Variants in CADM2 observed in about 807,000 individuals in gnomAD.
CADM2 encodes the protein immunoglobulin superfamily member 4D.
In CADM2, 12 loss-of-function variants were observed where a neutral mutation model predicts 49.8. That is an observed-to-expected ratio of 0.24 (90% CI 0.15 to 0.39). CADM2 has a LOEUF of 0.39. CADM2 is among the 10% of genes least tolerant of loss of function. The pLI, the probability that CADM2 is intolerant of heterozygous loss-of-function variation, is 1.00. For missense variants in CADM2, 378 were observed against 492.3 expected (o/e 0.77, Z 2.20); for synonymous variants, 214 against 175.4 (o/e 1.22, Z -1.74).
chr3:85,128,733 T>C (rs1378332890), intron 1 of CADM2, among the ~76,000 whole-genome samples: 1 of 152,196 alleles, frequency 6.6e-6, no homozygotes, highest in Non-Finnish European at 1.5e-5. Flanking sequence ...TGGGACAGGT[T>C]AAATAAACAT....
chr3:85,808,647 ATG>A (rs888261091), intron 3 of CADM2, among the ~76,000 whole-genome samples: 27 of 152,160 alleles, frequency 1.8e-4, no homozygotes, highest in Non-Finnish European at 8.8e-5. Context: ...GTGAGCTTGT[ATG>A]TGTTTTTATA....
At chr3:85,519,346 T>A (rs2060978118) in intron 1 of CADM2, among the ~76,000 whole-genome samples, 1 of 152,122 alleles carries the variant, frequency 6.6e-6, no homozygotes, top group South Asian at 2.1e-4. Flanking sequence ...TCATGCTTAG[T>A]TTTTTTATTT....
chr3:85,905,903 T>C (rs1226998896), intron 5 of CADM2, among the ~76,000 whole-genome samples: 1 of 152,172 alleles, frequency 6.6e-6, no homozygotes, highest in Non-Finnish European at 1.5e-5. Flanking sequence ...AATGTTTTAC[T>C]GATGCAAGTG....
chr3:85,311,384 T>C (rs2044338905), intron 1 of CADM2, among the ~76,000 whole-genome samples: 1 of 148,862 alleles, frequency 6.7e-6, no homozygotes, highest in Non-Finnish European at 1.5e-5. Context: ...TTATTATTAT[T>C]ATTTTTTTTG....
intron 1 of CADM2, among the ~76,000 whole-genome samples, chr3:85,047,455 C>A (rs2035711026): frequency 6.6e-6 from 1 of 152,000 alleles, no homozygotes; most frequent in South Asian, 2.1e-4. Flanking sequence ...ATGGGAACTT[C>A]TCATATAAAT....
At chr3:85,931,494 A>G (rs1308545475) in intron 6 of CADM2, among the ~76,000 whole-genome samples, 1 of 152,162 alleles carries the variant, frequency 6.6e-6, no homozygotes, top group Non-Finnish European at 1.5e-5. Context: ...ACAATTATTT[A>G]TTAAGCACAC....
chr3:85,789,180 T>C (rs1273795095), intron 2 of CADM2, among the ~76,000 whole-genome samples: 1 of 152,142 alleles, frequency 6.6e-6, no homozygotes, highest in African/African-American at 2.4e-5. Flanking sequence ...CTACCATCTG[T>C]GTGTTCCTTT....
intron 1 of CADM2, among the ~76,000 whole-genome samples, chr3:85,674,640 C>A (rs1389164675): frequency 6.6e-6 from 1 of 152,124 alleles, no homozygotes; most frequent in Non-Finnish European, 1.5e-5. Flanking sequence ...ATTCATTTCT[C>A]ATACTCTATG....
chr3:85,704,104 A>C (rs1369591886), intron 1 of CADM2, among the ~76,000 whole-genome samples: 1 of 152,122 alleles, frequency 6.6e-6, no homozygotes, highest in Non-Finnish European at 1.5e-5. Flanking sequence ...TGTTCTTTTC[A>C]TGGTCTGTTT....
chr3:85,098,121 T>G (rs973384928), intron 1 of CADM2, among the ~76,000 whole-genome samples: 1 of 152,150 alleles, frequency 6.6e-6, no homozygotes, highest in Non-Finnish European at 1.5e-5. Flanking sequence ...CATTAGTCTT[T>G]GTCTGCATGA....
At chr3:84,988,116 C>T (rs1230150868) in intron 1 of CADM2, among the ~76,000 whole-genome samples, 3 of 152,160 alleles carry the variant, frequency 2.0e-5, no homozygotes, top group African/African-American at 7.2e-5. Context: ...CACCATTCAG[C>T]CAGAGCCAGA....
chr3:85,152,713 T>A (rs1187165025), intron 1 of CADM2, among the ~76,000 whole-genome samples: 1 of 152,148 alleles, frequency 6.6e-6, no homozygotes, highest in East Asian at 1.9e-4. Context: ...ATCCCAGCAC[T>A]TTGGGAGTCT....
intron 1 of CADM2, among the ~76,000 whole-genome samples, chr3:85,030,047 G>T (rs1188274485): frequency 6.6e-6 from 1 of 152,014 alleles, no homozygotes; most frequent in East Asian, 1.9e-4. Flanking sequence ...CACTTCCTCT[G>T]CTCCAGTCTA....
intron 3 of CADM2, among the ~76,000 whole-genome samples, chr3:85,881,336 T>A (rs532243004): frequency 5.0e-4 from 76 of 152,266 alleles, no homozygotes; most frequent in African/African-American, 1.8e-3. Context: ...TTTATAATGG[T>A]TGCTTAAAAA....
intron 1 of CADM2, among the ~76,000 whole-genome samples, chr3:84,997,034 C>T (rs929625195): frequency 6.6e-6 from 1 of 152,102 alleles, no homozygotes; most frequent in Non-Finnish European, 1.5e-5. Flanking sequence ...TGGGTCACAG[C>T]ATGATTTGTA....
At chr3:85,508,036 TC>T (rs2040436306) in intron 1 of CADM2, among the ~76,000 whole-genome samples, 1 of 152,126 alleles carries the variant, frequency 6.6e-6, no homozygotes, top group African/African-American at 2.4e-5. Flanking sequence ...TCTCAACATG[TC>T]CCAGTGGAAA....
intron 1 of CADM2, among the ~76,000 whole-genome samples, chr3:85,375,558 T>C (rs2033546322): frequency 6.6e-6 from 1 of 152,234 alleles, no homozygotes; most frequent in South Asian, 2.1e-4. Context: ...CTGCTCAGTT[T>C]GTCTTCCTTC....
chr3:85,481,935 T>C (rs985024640), intron 1 of CADM2, among the ~76,000 whole-genome samples: 3 of 151,310 alleles, frequency 2.0e-5, no homozygotes, highest in Non-Finnish European at 1.5e-5. Flanking sequence ...CAGAAAGAAA[T>C]GAAAATACAA....
At chr3:85,043,187 T>A (rs1367571888) in intron 1 of CADM2, among the ~76,000 whole-genome samples, 2 of 152,054 alleles carry the variant, frequency 1.3e-5, no homozygotes, top group Non-Finnish European at 2.9e-5. Flanking sequence ...AGAATTATTT[T>A]CTCGTCTCAT....
Sources: gnomAD v4.1 joint callset for allele counts (sites outside exome capture counted in the v4.1 genomes callset) on GRCh38, gnomAD v4.1.1 for gene constraint, MANE v1.5 for transcripts, NCBI Gene and HGNC (gene_info 2026-07-23, HGNC 2026-07-21) for gene names.